EGFR: variants seen among roughly 807,000 people sequenced by gnomAD.
The protein encoded by EGFR is epidermal growth factor receptor.
A neutral mutation model predicts 143.0 loss-of-function variants in EGFR; 58 were observed. The ratio of observed to expected loss-of-function variants is 0.41; its 90% CI spans 0.33 to 0.50. The LOEUF (loss-of-function observed/expected upper bound fraction) is 0.50. Among genes scored for constraint, EGFR ranks in the 20% least tolerant of loss-of-function variants. The probability of loss-of-function intolerance (pLI) is 0.39; values close to 1 mark genes in which losing one functional copy is unlikely to be tolerated. For missense variants in EGFR, 1,307 were observed against 1,579.0 expected (o/e 0.83, Z 2.92); for synonymous variants, 613 against 594.4 (o/e 1.03, Z -0.45).
At chr7:55,107,476 G>A (rs748382263) in intron 1 of EGFR, among the ~76,000 whole-genome samples, 14 of 152,260 alleles carry the variant, frequency 9.2e-5, no homozygotes, top group Non-Finnish European at 1.2e-4. Flanking sequence ...AGATGTTCAC[G>A]TCTAATGAAT....
chr7:55,053,885 C>T (rs1222844244), intron 1 of EGFR, among the ~76,000 whole-genome samples: 1 of 152,338 alleles, frequency 6.6e-6, no homozygotes, highest in Non-Finnish European at 1.5e-5. Flanking sequence ...ATCTGCTTCG[C>T]GATGAACCAG....
At chr7:55,200,255 G>C (rs1787786569) in intron 23 of EGFR, 61 bp from the exon 24 acceptor site, 1 of 1,483,770 alleles carries the variant, frequency 6.7e-7, no homozygotes, top group African/African-American at 1.4e-5. Flanking sequence ...TTTAAGCAAT[G>C]CCATCTTTAT....
chr7:55,192,868 G>A lies in EGFR; in HGVS notation c.2701+27G>A, dbSNP rs761084960. On this transcript the variant is annotated intron_variant, in intron 22 of 27. Transcript: ENST00000275493. The stretch of plus-strand genomic sequence containing the variant: ...TGAGTCATAATCCTGATGCTAATGA[G>A]TTTGTACTGAGGCCAAGCTGGCTTT... 1.1e-5 allele frequency: 17 copies of A among 1,606,172 alleles called. 1 individual carries two copies. The South Asian group carries it at 1.9e-4, about 18-fold the overall frequency.
At chr7:55,140,345 C>G (rs1166734301) in intron 1 of EGFR, among the ~76,000 whole-genome samples, 1 of 152,096 alleles carries the variant, frequency 6.6e-6, no homozygotes, top group African/African-American at 2.4e-5. Flanking sequence ...TAGGTTCTAG[C>G]TGACCCTGTT....
At chr7:55,068,516 G>A (rs1486713038) in intron 1 of EGFR, among the ~76,000 whole-genome samples, 2 of 152,152 alleles carry the variant, frequency 1.3e-5, no homozygotes, top group African/African-American at 2.4e-5. Flanking sequence ...AGGTCAATGC[G>A]AAGATTGCTT....
intron 1 of EGFR, among the ~76,000 whole-genome samples, chr7:55,107,314 C>T (rs78979492): frequency 1.2e-3 from 180 of 152,270 alleles, no homozygotes; most frequent in African/African-American, 2.3e-3. Context: ...AACGATCACT[C>T]GAAGAATATT....
chr7:55,170,113 A>C (rs1194372999), intron 15 of EGFR, among the ~76,000 whole-genome samples: 1 of 152,206 alleles, frequency 6.6e-6, no homozygotes, highest in Non-Finnish European at 1.5e-5. Context: ...GCTCAAAAGC[A>C]CCACAGGGGT....
chr7:55,061,273 G>A lies in EGFR; in HGVS notation c.88+41908G>A, dbSNP rs1245458733. 9.2e-5 allele frequency among the ~76,000 whole-genome samples: 14 copies of A among 152,188 alleles called. 1 individual carries two copies. Among genetic ancestry groups the A allele is most frequent in the Middle Eastern group, 3.4e-3 (1 of 294 alleles). ...AATTCAGCTTTCAGGTCCCAGCCCC[G>A]GGAAGGCTCCAGGCCTTCACAAACT... On this transcript the variant is annotated intron_variant, in intron 1 of 27. Transcript: ENST00000275493.
chr7:55,105,852 T>G (rs1792095170), intron 1 of EGFR, among the ~76,000 whole-genome samples: 1 of 152,238 alleles, frequency 6.6e-6, no homozygotes, highest in African/African-American at 2.4e-5. Context: ...GTTTGGTAGA[T>G]AAGACATAAT....
In EGFR at chr7:55,199,549, G is replaced by A. The variant is rs185434256; in HGVS notation, c.2848+686G>A. 8.2e-4 allele frequency among the ~76,000 whole-genome samples: 125 copies of A among 152,334 alleles called. 1 individual carries two copies. The highest frequency in any genetic ancestry group is 1.0e-4 in the Non-Finnish European group (7 of 68,028). Reference sequence around the variant, plus strand: ...AACTTCCTTGGTTTGGGCTAAGGAAGCTGTGATCCAGAGAAGCCACGTGAT... The same window carrying A: ...AACTTCCTTGGTTTGGGCTAAGGAAACTGTGATCCAGAGAAGCCACGTGAT... On this transcript the variant is annotated intron_variant, in intron 23 of 27. Transcript: ENST00000275493.
intron 1 of EGFR, among the ~76,000 whole-genome samples, chr7:55,088,236 C>G (rs1054354572): frequency 6.6e-6 from 1 of 152,216 alleles, no homozygotes; most frequent in Non-Finnish European, 1.5e-5. Context: ...CTGTATTCCA[C>G]TTGGACTTGG....
In EGFR at chr7:55,198,744, T is replaced by C; in HGVS notation, c.2729T>C (p.Phe910Ser). 6.2e-7 allele frequency: 1 copy of C among 1,614,226 alleles called. No individual in the cohort carries two copies. Among genetic ancestry groups the C allele is most frequent in the Non-Finnish European group, 8.5e-7 (1 of 1,180,034 alleles). Residue 910 changes from phenylalanine (F) to serine (S), a missense_variant, in exon 23 of 28, where the codon TTT (phenylalanine) becomes TCT (serine). Phe to Ser is a radical substitution (Grantham distance 155). Transcript: ENST00000275493. The stretch of plus-strand genomic sequence containing the variant: ...GTGACTGTTTGGGAGTTGATGACCT[T>C]TGGATCCAAGCCATATGACGGAATC... The part of the protein sequence containing the change: ...YGVTVWELMT[F>S]GSKPYDGIPA...
chr7:55,094,518 T>G (rs1195868486), intron 1 of EGFR, among the ~76,000 whole-genome samples: 1 of 152,210 alleles, frequency 6.6e-6, no homozygotes, highest in African/African-American at 2.4e-5. Context: ...AGTTGGAGAT[T>G]ACAGGTGACC....
In EGFR at chr7:55,174,028, C is replaced by T. The variant is rs370590012; in HGVS notation, c.2169C>T (p.Phe723=). 6.4e-5 allele frequency: 104 copies of T among 1,614,070 alleles called. No individual in the cohort carries two copies. Among genetic ancestry groups the T allele is most frequent in the Non-Finnish European group, 7.4e-5 (87 of 1,180,036 alleles). The part of the protein sequence containing the change: ...KKIKVLGSGA[F]GTVYKGLWIP... ...TCAAAGTGCTGGGCTCCGGTGCGTT[C>T]GGCACGGTGTATAAGGTAAGGTCCC... Residue 723 remains phenylalanine (F), a synonymous_variant, in exon 18 of 28, where the codon TTC becomes TTT. Coordinates refer to ENST00000275493, the MANE Select transcript of EGFR (RefSeq NM_005228.5).
At chr7:55,155,970 A>G (rs1785395043) in intron 8 of EGFR, 24 bp downstream of exon 8, 1 of 1,573,788 alleles carries the variant, frequency 6.4e-7, no homozygotes. Context: ...CGGTGTGCGG[A>G]CGAGGCTTGT....
intron 13 of EGFR, among the ~76,000 whole-genome samples, chr7:55,162,157 T>C (rs1425267957): frequency 1.3e-5 from 2 of 152,240 alleles, no homozygotes; most frequent in Non-Finnish European, 2.9e-5. Context: ...TTGAATTTAG[T>C]TGCAATCAAT....
rs1787729003 is a variant in EGFR at position 55,198,821 on chromosome 7, C to T, written c.2806C>T (p.Pro936Ser). ...ILEKGERLPQ[P>S]PICTIDVYMI... The stretch of plus-strand genomic sequence containing the variant: ...GGAGAAAGGAGAACGCCTCCCTCAG[C>T]CACCCATATGTACCATCGATGTCTA... The change falls in exon 23 of 28, where the codon CCA (proline) becomes TCA (serine). Residue 936 changes from proline to serine, a missense_variant. Coordinates refer to ENST00000275493, the MANE Select transcript of EGFR (RefSeq NM_005228.5). The T allele has an allele frequency of 2.5e-6, 4 of 1,614,196 alleles. No individual in the cohort carries two copies. The highest frequency in any genetic ancestry group is 3.3e-5 in the Admixed American group (2 of 60,020).
chr7:55,163,928 T>C, intron 14 of EGFR, 105 bp downstream of exon 14: 1 of 1,278,928 alleles, frequency 7.8e-7, no homozygotes, highest in African/African-American at 1.5e-5. Context: ...AGGACGGCCA[T>C]CAGAGCCACT....
At chr7:55,110,099 G>C in intron 1 of EGFR, 1 of 357,012 alleles carries the variant, frequency 2.8e-6, no homozygotes, top group African/African-American at 2.2e-5. Context: ...GGAATCTTAT[G>C]AGAATTTCCA....
Sources: gnomAD v4.1 joint callset for allele counts (sites outside exome capture counted in the v4.1 genomes callset) on GRCh38, gnomAD v4.1.1 for gene constraint, MANE v1.5 for transcripts, NCBI Gene and HGNC (gene_info 2026-07-23, HGNC 2026-07-21) for gene names.